Variants in PAXIP1 observed in about 807,000 individuals in gnomAD.
PAXIP1 encodes the protein PAX-interacting protein 1.
Under a neutral mutation model 140.6 loss-of-function variants are expected in PAXIP1, and 19 were observed. The ratio of observed to expected loss-of-function variants is 0.14; its 90% CI spans 0.09 to 0.20. The LOEUF is 0.20. PAXIP1 is among the 10% of genes least tolerant of loss of function. The pLI, the probability that PAXIP1 is intolerant of heterozygous loss-of-function variation, is 1.00. For synonymous variants in PAXIP1, 442 were observed against 444.6 expected (o/e 0.99, Z 0.07); for missense variants, 920 against 1,208.6 (o/e 0.76, Z 3.54).
chr7:154,989,992 C>T (rs1810249978), intron 4 of PAXIP1, among the ~76,000 whole-genome samples: 1 of 150,290 alleles, frequency 6.7e-6, no homozygotes, highest in Non-Finnish European at 1.5e-5. Flanking sequence ...ATGTAGGCAC[C>T]TTTATGTGTC....
Position 154,954,325 on chromosome 7 carries a change from C to A in PAXIP1, c.2751G>T (p.Ala917=), listed in dbSNP as rs768259838. 7 of 1,603,996 alleles carry A rather than the reference C, an allele frequency of 4.4e-6. No individual in the cohort carries two copies. The highest frequency in any genetic ancestry group is 1.7e-4 in the Middle Eastern group (1 of 6,054). The part of the protein sequence containing the change: ...KVTRTVKFLT[A]ISVVKHIVTP... ...TCACTATGTGCTTCACGACAGAAAT[C>A]GCCGTCAGGAACTTCACGGTGCGAG... is the stretch of plus-strand genomic sequence containing the variant. Residue 917 remains alanine (A), a synonymous_variant, in exon 16 of 21, where the codon GCG becomes GCT. Coordinates refer to ENST00000404141, the MANE Select transcript of PAXIP1 (RefSeq NM_007349.4). This position sits in a 1 kb window ranked among gnomAD's most constrained non-coding sequence, Gnocchi z 5.1.
In PAXIP1 at chr7:154,987,450, CCTT is replaced by C. The variant is rs146714551; in HGVS notation, c.324+3553_324+3555del. On this transcript the variant is annotated intron_variant, in intron 4 of 20. Transcript: ENST00000404141. Reference sequence around the variant, plus strand: ...CCAGTATCATCTCTGTTTTCAAGCTCCTTCTTTTTTTCCTCCCCAAATCTCTCT... The same window carrying C: ...CCAGTATCATCTCTGTTTTCAAGCTCCTTTTTTTCCTCCCCAAATCTCTCT... 2.2e-4 allele frequency among the ~76,000 whole-genome samples: 34 copies of C among 152,270 alleles called. No homozygotes were observed. In the East Asian group the frequency reaches 3.7e-3, roughly 16 times the overall value.
chr7:154,968,553 G>C lies in PAXIP1; in HGVS notation c.1648C>G (p.Gln550Glu). Residue 550 changes from glutamine to glutamate, a missense_variant, in exon 7 of 21, where the codon CAA becomes GAA. Transcript: ENST00000404141. ...CTCAAGTGTGGCGCTGTCTGACTTT[G>C]CATCTGCTGCTGCTGCTGCTGCTGG... ...MHQQQQQQQM[Q>E]SQTAPHLSQT... 1 of 731,130 alleles carries C rather than the reference G, an allele frequency of 1.4e-6. No individual in the cohort carries two copies. 45.3% of individuals were successfully genotyped at this position (731,130 alleles called of 1,614,324 possible).
chr7:154,971,395 G>C (rs1013827047), intron 6 of PAXIP1, among the ~76,000 whole-genome samples: 2 of 152,232 alleles, frequency 1.3e-5, no homozygotes, highest in African/African-American at 4.8e-5. Context: ...CAAGAGTCCC[G>C]GCTAGGAATG....
At chr7:154,983,678 C>T (rs1809944972) in intron 4 of PAXIP1, 1 of 180,528 alleles carries the variant, frequency 5.5e-6, no homozygotes, top group Non-Finnish European at 1.1e-5. Flanking sequence ...TATGCCATTC[C>T]AGTTTCCATT....
rs756042192 is a variant in PAXIP1, at chr7:154,976,306, C to T, written c.464G>A (p.Arg155Gln). 10 of 1,594,650 alleles carry T rather than the reference C, an allele frequency of 6.3e-6. No individual in the cohort carries two copies. The highest frequency in any genetic ancestry group is 1.7e-4 in the Middle Eastern group (1 of 5,974). Residue 155 changes from arginine to glutamine, a missense_variant, in exon 6 of 21, where the codon CGA becomes CAA. Physicochemically the swap from Arg to Gln is conservative, Grantham distance 43. This residue lies in a region of PAXIP1 where 419 missense variants were observed against 514.7 expected (regional missense o/e 0.81). Transcript: ENST00000404141. ...KGEKYECALK[R>Q]ASIKIVTPDW... ...AGGAGTCACAATTTTAATACTTGCT[C>T]GCTTTAAAGCACATTCGTATTTCTC...
intron 5 of PAXIP1, among the ~76,000 whole-genome samples, chr7:154,977,729 T>G (rs1809650414): frequency 6.6e-6 from 1 of 152,194 alleles, no homozygotes; most frequent in South Asian, 2.1e-4. Flanking sequence ...ATAGTTTAAA[T>G]TTATTTTTGT....
intron 5 of PAXIP1, among the ~76,000 whole-genome samples, chr7:154,978,298 T>A (rs951389647): frequency 1.3e-5 from 2 of 152,206 alleles, no homozygotes; most frequent in Non-Finnish European, 2.9e-5. Flanking sequence ...TATGAAAAAC[T>A]GCAGTTATAT....
chr7:154,959,914 T>A lies in PAXIP1; in HGVS notation c.2454A>T (p.Leu818Phe), dbSNP rs930557870. 2.5e-6 allele frequency: 4 copies of A among 1,604,422 alleles called. No homozygotes were observed. The African/African-American group carries it at 5.4e-5, about 21-fold the overall frequency. Residue 818 changes from leucine (L) to phenylalanine (F), a missense_variant, in exon 13 of 21, where the codon TTA (leucine) becomes TTT (phenylalanine). Physicochemically the swap from Leu to Phe is conservative, Grantham distance 22 (BLOSUM62 0). This residue lies in a region of PAXIP1 where 303 missense variants were observed against 517.9 expected (regional missense o/e 0.59). Coordinates refer to ENST00000404141, the MANE Select transcript of PAXIP1 (RefSeq NM_007349.4). The stretch of plus-strand genomic sequence containing the variant: ...CCATCAACAACTCTGCAGACACTTT[T>A]AAGGGAACTCTCCAAGCATCTAAAG... ...LNLLDAWRVP[L>F]KVSAELLMSI...
chr7:154,947,384 C>T (rs1345189655), intron 17 of PAXIP1: 1 of 155,334 alleles, frequency 6.4e-6, no homozygotes, highest in Non-Finnish European at 1.4e-5. Flanking sequence ...AACCGATTAT[C>T]TTTATTGATT....
rs1252054395 is a variant in PAXIP1, at chr7:154,963,452, C to A, written c.1989+219G>T. Among the ~76,000 whole-genome samples, 3 of 152,164 alleles carry A rather than the reference C, an allele frequency of 2.0e-5. No homozygotes were observed. Among genetic ancestry groups the A allele is most frequent in the Non-Finnish European group, 2.9e-5 (2 of 68,036 alleles). On this transcript the variant is annotated intron_variant, in intron 9 of 20. Coordinates refer to ENST00000404141, the MANE Select transcript of PAXIP1 (RefSeq NM_007349.4). The surrounding 1 kb of genome is among the most constrained non-coding windows in gnomAD (Gnocchi z 4.1). ...GCCTCCTGTCCGCCCTTTCTTAACA[C>A]CACCTGGGAACATCCCTTTCTTTCT...
chr7:154,953,392 C>T (rs1808363007), intron 16 of PAXIP1, among the ~76,000 whole-genome samples: 1 of 152,092 alleles, frequency 6.6e-6, no homozygotes, highest in Non-Finnish European at 1.5e-5. Context: ...ATGGAGTAGC[C>T]AGGGAGCTCA....
chr7:154,987,612 G>A (rs1189850833), intron 4 of PAXIP1, among the ~76,000 whole-genome samples: 1 of 152,130 alleles, frequency 6.6e-6, no homozygotes, highest in African/African-American at 2.4e-5. Flanking sequence ...CCCAGAGTGT[G>A]TTTCAAACCA....
intron 2 of PAXIP1, among the ~76,000 whole-genome samples, chr7:154,995,902 A>C (rs62471878): frequency 6.6e-6 from 1 of 152,124 alleles, no homozygotes; most frequent in Non-Finnish European, 1.5e-5. Context: ...AATGATGCCC[A>C]AAGGCCACTG....
chr7:154,975,588 T>C (rs1196335938), intron 6 of PAXIP1, 108 bp downstream of exon 6: 6 of 694,480 alleles, frequency 8.6e-6, no homozygotes, highest in Non-Finnish European at 1.2e-5. Context: ...ATACTGCTTG[T>C]AAGTTATTTG....
chr7:154,991,682 A>G (rs932710753), intron 3 of PAXIP1, among the ~76,000 whole-genome samples: 12 of 152,344 alleles, frequency 7.9e-5, no homozygotes, highest in Middle Eastern at 3.4e-3. Flanking sequence ...CAAAATGATT[A>G]ATGAGCACTT....
Position 154,960,752 on chromosome 7 carries a change from T to C in PAXIP1, c.2434+141A>G, listed in dbSNP as rs191441151. Reference sequence around the variant, plus strand: ...GAGTGGGGAGAAAGAAGAAAGAGTATAGAAAAGAAATTGGAAATGAGTCAA... The same window carrying C: ...GAGTGGGGAGAAAGAAGAAAGAGTACAGAAAAGAAATTGGAAATGAGTCAA... On this transcript the variant is annotated intron_variant, in intron 12 of 20. Coordinates refer to ENST00000404141, the MANE Select transcript of PAXIP1 (RefSeq NM_007349.4). 4.5e-4 allele frequency: 274 copies of C among 615,424 alleles called. 3 individuals are homozygous for C. In the Admixed American group the frequency reaches 8.4e-3, roughly 19 times the overall value. 38.1% of individuals were successfully genotyped at this position (615,424 alleles called of 1,614,324 possible).
At position 155,002,791 on chromosome 7, in the gene PAXIP1, CGG is replaced by C. The variant is rs1386502662; in HGVS notation, c.81+56_81+57del. On this transcript the variant is annotated intron_variant, in intron 1 of 20. Coordinates refer to ENST00000404141, the MANE Select transcript of PAXIP1 (RefSeq NM_007349.4). ...GCAGGAGCGGGGACGGGGACGGGGA[CGG>C]GGACGGACGGGGACGCGGACGGGGG... The C allele has an allele frequency of 1.4e-5, 14 of 985,308 alleles. No homozygotes were observed. In the South Asian group the frequency reaches 3.0e-4, roughly 21 times the overall value. 61.0% of individuals were successfully genotyped at this position (985,308 alleles called of 1,614,324 possible).
At chr7:154,993,160 C>T (rs1224740191) in intron 3 of PAXIP1, among the ~76,000 whole-genome samples, 2 of 152,184 alleles carry the variant, frequency 1.3e-5, no homozygotes, top group African/African-American at 4.8e-5. Flanking sequence ...TCATTTCTGA[C>T]TCCTGACACA....
Sources: gnomAD v4.1 joint callset for allele counts (sites outside exome capture counted in the v4.1 genomes callset) on GRCh38, gnomAD v4.1.1 for gene constraint, gnomAD v4.1.1 regional missense constraint, Gnocchi (gnomAD v3.1) non-coding constraint, MANE v1.5 for transcripts, NCBI Gene and HGNC (gene_info 2026-07-23, HGNC 2026-07-21) for gene names.